NCAM1: variants seen among roughly 807,000 people sequenced by gnomAD.
NCAM1 encodes neural cell adhesion molecule 1.
A neutral mutation model predicts 109.8 loss-of-function variants in NCAM1; 14 were observed. The ratio of observed to expected loss-of-function variants is 0.13; its 90% CI spans 0.08 to 0.20. The LOEUF (loss-of-function observed/expected upper bound fraction) is 0.20. Ranked by LOEUF, NCAM1 falls within the 10% of genes least tolerant of loss-of-function variation. The pLI is 1.00. For missense variants in NCAM1, 774 were observed against 1,109.9 expected, an observed-to-expected ratio of 0.70 and a Z score of 4.30; for synonymous variants, 418 against 442.9, an observed-to-expected ratio of 0.94 and a Z score of 0.70.
At chr11:113,086,415 GTCT>G (rs1432563874) in intron 1 of NCAM1, among the ~76,000 whole-genome samples, 1 of 152,206 alleles carries the variant, frequency 6.6e-6, no homozygotes, top group Non-Finnish European at 1.5e-5. Context: ...CAACGAATCT[GTCT>G]TCTTAAATAC....
At chr11:112,980,056 A>T (rs1443409374) in intron 1 of NCAM1, among the ~76,000 whole-genome samples, 6 of 151,780 alleles carry the variant, frequency 4.0e-5, no homozygotes, top group African/African-American at 1.4e-4. Context: ...CAGAGCTAAC[A>T]TACACAAATG....
chr11:113,239,580 A>G (rs1945269135), intron 14 of NCAM1, among the ~76,000 whole-genome samples: 2 of 137,142 alleles, frequency 1.5e-5, no homozygotes, highest in Non-Finnish European at 3.0e-5. Flanking sequence ...ATCTCGGCTC[A>G]CTGCAAGCTC....
chr11:113,060,620 A>G (rs1368050295), intron 1 of NCAM1, among the ~76,000 whole-genome samples: 12 of 152,258 alleles, frequency 7.9e-5, no homozygotes, highest in African/African-American at 2.7e-4. Flanking sequence ...TATGTGGGAC[A>G]CAAATTATGG....
intron 1 of NCAM1, among the ~76,000 whole-genome samples, chr11:113,161,127 GA>G (rs1371248523): frequency 6.6e-6 from 1 of 151,986 alleles, no homozygotes; most frequent in South Asian, 2.1e-4. Flanking sequence ...ATCCGTTTTA[GA>G]AAAAAATTGA....
intron 9 of NCAM1, among the ~76,000 whole-genome samples, chr11:113,227,375 A>T (rs1214058640): frequency 1.3e-5 from 2 of 152,214 alleles, no homozygotes; most frequent in Admixed American, 6.5e-5. Context: ...TCCCAAGACT[A>T]AACCAGGAAG....
intron 2 of NCAM1, among the ~76,000 whole-genome samples, chr11:113,203,543 T>G (rs533189528): frequency 6.6e-6 from 1 of 152,332 alleles, no homozygotes; most frequent in East Asian, 1.9e-4. Context: ...TCCAGCTCAG[T>G]GTCCTGGGCA....
intron 15 of NCAM1, among the ~76,000 whole-genome samples, chr11:113,255,231 A>G (rs1411846192): frequency 3.9e-5 from 6 of 152,218 alleles, no homozygotes; most frequent in African/African-American, 1.4e-4. Flanking sequence ...CTTGCATAAG[A>G]GCCATAAGGA....
intron 14 of NCAM1, among the ~76,000 whole-genome samples, chr11:113,245,880 T>G (rs1945485587): frequency 6.6e-6 from 1 of 152,238 alleles, no homozygotes; most frequent in African/African-American, 2.4e-5. Context: ...TGCCCTTGTT[T>G]CCCAAGGATG....
chr11:113,158,860 TAAGAC>T (rs1942505480), intron 1 of NCAM1, among the ~76,000 whole-genome samples: 1 of 152,240 alleles, frequency 6.6e-6, no homozygotes, highest in South Asian at 2.1e-4. Flanking sequence ...ATTGAATTAT[TAAGAC>T]AAACAACATC....
At chr11:112,966,842 G>A (rs1295791506) in intron 1 of NCAM1, among the ~76,000 whole-genome samples, 8 of 152,136 alleles carry the variant, frequency 5.3e-5, no homozygotes, top group African/African-American at 1.2e-4. Context: ...CTGAGTTAAC[G>A]GATTTTCAGT....
At chr11:113,126,441 C>A (rs1941181767) in intron 1 of NCAM1, among the ~76,000 whole-genome samples, 1 of 152,064 alleles carries the variant, frequency 6.6e-6, no homozygotes, top group South Asian at 2.1e-4. Flanking sequence ...CTCCACGTTG[C>A]CTCCATCCCA....
At chr11:113,010,830 C>T (rs1329679700) in intron 1 of NCAM1, among the ~76,000 whole-genome samples, 1 of 152,130 alleles carries the variant, frequency 6.6e-6, no homozygotes, top group Non-Finnish European at 1.5e-5. Context: ...GTCAGGTTAT[C>T]ATTATGTGTC....
intron 1 of NCAM1, among the ~76,000 whole-genome samples, chr11:113,135,388 A>G (rs1555099204): frequency 6.6e-6 from 1 of 152,184 alleles, no homozygotes; most frequent in Non-Finnish European, 1.5e-5. Context: ...CTTGACACAG[A>G]AAACAGACTT....
chr11:112,993,831 T>G (rs1591224890), intron 1 of NCAM1, among the ~76,000 whole-genome samples: 1 of 152,338 alleles, frequency 6.6e-6, no homozygotes, highest in Admixed American at 6.5e-5. Context: ...CTACTAGTCT[T>G]TTTTGCCCTT....
At chr11:113,208,802 C>T (rs1177326487) in intron 7 of NCAM1, among the ~76,000 whole-genome samples, 3 of 152,190 alleles carry the variant, frequency 2.0e-5, no homozygotes, top group African/African-American at 7.2e-5. Context: ...GATAGCATAA[C>T]CCTGGCTGTC....
intron 1 of NCAM1, among the ~76,000 whole-genome samples, chr11:113,014,805 T>C (rs10891490): frequency 0.47 from 71,335 of 152,058 alleles, 17,888 homozygotes; most frequent in Middle Eastern, 0.63. Flanking sequence ...AAGTGAAACA[T>C]AAGCTCACGC....
chr11:113,118,626 A>G (rs896925824), intron 1 of NCAM1, among the ~76,000 whole-genome samples: 11 of 151,936 alleles, frequency 7.2e-5, no homozygotes, highest in African/African-American at 2.7e-4. Flanking sequence ...TGAATTCCCC[A>G]GTGCCTGGCC....
At chr11:113,220,088 A>G (rs1439868643) in intron 8 of NCAM1, among the ~76,000 whole-genome samples, 1 of 152,214 alleles carries the variant, frequency 6.6e-6, no homozygotes, top group Non-Finnish European at 1.5e-5. Flanking sequence ...ACAATCGGGC[A>G]GTCTTGCCAG....
At chr11:113,235,197 C>T in intron 14 of NCAM1, 33 bp downstream of exon 14, 1 of 1,613,702 alleles carries the variant, frequency 6.2e-7, no homozygotes, top group East Asian at 2.2e-5. Flanking sequence ...CTTTTCCCAG[C>T]CCACCTTCTT....
Sources: allele counts gnomAD v4.1 joint callset (sites outside exome capture counted in the v4.1 genomes callset), GRCh38; gene constraint gnomAD v4.1.1; transcripts MANE v1.5; gene names NCBI Gene and HGNC (gene_info 2026-07-23, HGNC 2026-07-21).